CCSER1: variants seen among roughly 807,000 people sequenced by gnomAD.
The protein encoded by CCSER1 is serine-rich coiled-coil domain-containing protein 1.
A neutral mutation model predicts 82.0 loss-of-function variants in CCSER1; 41 were observed. The observed-to-expected ratio is 0.50, with a 90% CI of 0.39 to 0.65. The LOEUF is 0.65. Among genes scored for constraint, CCSER1 ranks in the 30% least tolerant of loss-of-function variants. The pLI is 0.00. For missense variants in CCSER1, 1,119 were observed against 1,064.2 expected (o/e 1.05, Z -0.72); for synonymous variants, 414 against 383.9 (o/e 1.08, Z -0.92).
chr4:90,797,790 A>T (rs1756244562), intron 7 of CCSER1, among the ~76,000 whole-genome samples: 1 of 152,170 alleles, frequency 6.6e-6, no homozygotes, highest in South Asian at 2.1e-4. Flanking sequence ...AAGAATATTG[A>T]ATATAGGCCG....
In CCSER1 at chr4:90,170,006, A is replaced by G. The variant is rs559927144; in HGVS notation, c.-42+42175A>G. ...AGGTGTTCTTATGTCACCTAGATAGATAATTCCTCTAGCCTCCACTCTGGT... is the reference window on the plus strand; with the variant it reads ...AGGTGTTCTTATGTCACCTAGATAGGTAATTCCTCTAGCCTCCACTCTGGT... On this transcript the variant is annotated intron_variant, in intron 1 of 10. Coordinates refer to ENST00000509176, the MANE Select transcript of CCSER1 (RefSeq NM_001145065.2). 2.6e-5 allele frequency among the ~76,000 whole-genome samples: 4 copies of G among 151,972 alleles called. No homozygotes were observed. The South Asian group carries it at 6.2e-4, about 24-fold the overall frequency.
At chr4:91,359,935 C>CT (rs1749140068) in intron 10 of CCSER1, among the ~76,000 whole-genome samples, 1 of 151,780 alleles carries the variant, frequency 6.6e-6, no homozygotes, top group Admixed American at 6.6e-5. Context: ...TGCATTATCT[C>CT]TTTTATTTTG....
intron 10 of CCSER1, among the ~76,000 whole-genome samples, chr4:91,459,999 C>G (rs1461977369): frequency 6.6e-6 from 1 of 152,092 alleles, no homozygotes; most frequent in Non-Finnish European, 1.5e-5. Context: ...CAGTGGCAAG[C>G]AGAGCATTTT....
At chr4:91,230,039 C>T (rs1581809366) in intron 10 of CCSER1, among the ~76,000 whole-genome samples, 1 of 152,068 alleles carries the variant, frequency 6.6e-6, no homozygotes, top group South Asian at 2.1e-4. Context: ...AATATTCATT[C>T]GAGTACTAAA....
intron 3 of CCSER1, among the ~76,000 whole-genome samples, chr4:90,336,280 A>G (rs1337655806): frequency 6.6e-6 from 1 of 152,208 alleles, no homozygotes; most frequent in East Asian, 1.9e-4. Flanking sequence ...AGATTTATTT[A>G]TTTTGGTGGT....
At chr4:90,812,978 A>G (rs962247163) in intron 7 of CCSER1, among the ~76,000 whole-genome samples, 2 of 152,192 alleles carry the variant, frequency 1.3e-5, no homozygotes, top group Non-Finnish European at 2.9e-5. Flanking sequence ...AAACCATTTC[A>G]TTCTGTCCCT....
rs552294576 is a variant in CCSER1, at chr4:91,378,194, A to G, written c.2218-220378A>G. ...GAAGTCAGGTAGCGTGATGCCTCCAACTTTGTTCTTTTGGCTTAGGATTGT... is the reference window on the plus strand; with the variant it reads ...GAAGTCAGGTAGCGTGATGCCTCCAGCTTTGTTCTTTTGGCTTAGGATTGT... On this transcript the variant is annotated intron_variant, in intron 10 of 10. Coordinates refer to ENST00000509176, the MANE Select transcript of CCSER1 (RefSeq NM_001145065.2). Among the ~76,000 whole-genome samples the G allele has an allele frequency of 2.1e-3, 324 of 152,070 alleles. 2 individuals carry two copies. Among genetic ancestry groups the G allele is most frequent in the Middle Eastern group, 0.02 (6 of 294 alleles).
chr4:90,576,305 G>A (rs1292755671), intron 5 of CCSER1, among the ~76,000 whole-genome samples: 23 of 152,008 alleles, frequency 1.5e-4, no homozygotes, highest in Admixed American at 1.5e-3. Flanking sequence ...ACCTACCACA[G>A]ACTCTCCCAC....
intron 8 of CCSER1, among the ~76,000 whole-genome samples, chr4:90,848,902 T>C (rs1361076605): frequency 6.6e-6 from 1 of 152,236 alleles, no homozygotes; most frequent in Non-Finnish European, 1.5e-5. Flanking sequence ...TCATTTTCTC[T>C]CCTGCCACCC....
At chr4:90,795,690 A>G (rs1002937245) in intron 7 of CCSER1, among the ~76,000 whole-genome samples, 1 of 152,150 alleles carries the variant, frequency 6.6e-6, no homozygotes, top group Non-Finnish European at 1.5e-5. Context: ...GTTTATCAAA[A>G]GTTTTTAACA....
chr4:90,858,792 T>C (rs1764741461), intron 8 of CCSER1, among the ~76,000 whole-genome samples: 1 of 151,932 alleles, frequency 6.6e-6, no homozygotes, highest in African/African-American at 2.4e-5. Context: ...TTGATAAATT[T>C]ATACTTTTTA....
chr4:90,581,651 T>C (rs985389076), intron 5 of CCSER1, among the ~76,000 whole-genome samples: 1 of 152,118 alleles, frequency 6.6e-6, no homozygotes, highest in Non-Finnish European at 1.5e-5. Context: ...AAACAAAAAA[T>C]ATGGGTTCTA....
intron 8 of CCSER1, among the ~76,000 whole-genome samples, chr4:90,826,303 C>A (rs1264103779): frequency 6.6e-6 from 1 of 152,152 alleles, no homozygotes; most frequent in East Asian, 1.9e-4. Flanking sequence ...TGGCCTCCTC[C>A]TTTATTTAAC....
chr4:90,273,016 A>AAC (rs201589658), intron 1 of CCSER1, among the ~76,000 whole-genome samples: 1 of 145,038 alleles, frequency 6.9e-6, no homozygotes, highest in Non-Finnish European at 1.5e-5. Context: ...AAAACAAACA[A>AAC]ACAAACAAAA....
chr4:91,197,164 C>A (rs796960296), intron 10 of CCSER1, among the ~76,000 whole-genome samples: 1 of 152,152 alleles, frequency 6.6e-6, no homozygotes, highest in Non-Finnish European at 1.5e-5. Flanking sequence ...CAGGAAACAC[C>A]ACCAAAGCTG....
intron 10 of CCSER1, among the ~76,000 whole-genome samples, chr4:91,365,880 A>G (rs972298360): frequency 1.3e-4 from 20 of 152,216 alleles, no homozygotes; most frequent in African/African-American, 4.8e-4. Flanking sequence ...TGCCTAGCCC[A>G]TGAGAAGTTC....
chr4:91,463,920 C>A (rs969899098), intron 10 of CCSER1, among the ~76,000 whole-genome samples: 1 of 152,116 alleles, frequency 6.6e-6, no homozygotes, highest in Non-Finnish European at 1.5e-5. Flanking sequence ...ACCAAGTTGG[C>A]AAACACTCTG....
intron 1 of CCSER1, among the ~76,000 whole-genome samples, chr4:90,158,169 G>A (rs1206804275): frequency 2.1e-5 from 3 of 140,014 alleles, no homozygotes; most frequent in South Asian, 2.3e-4. Flanking sequence ...GGTACCAGCC[G>A]TGGTGGCTGC....
intron 10 of CCSER1, among the ~76,000 whole-genome samples, chr4:91,472,111 T>A (rs1757315661): frequency 6.6e-6 from 1 of 152,194 alleles, no homozygotes. Context: ...ATTGTTTTTT[T>A]AAATGACTTA....
Sources: allele counts gnomAD v4.1 joint callset (sites outside exome capture counted in the v4.1 genomes callset), GRCh38; gene constraint gnomAD v4.1.1; transcripts MANE v1.5; gene names NCBI Gene and HGNC (gene_info 2026-07-23, HGNC 2026-07-21).